The following DYNC1I1 variants were observed in gnomAD, a reference collection of about 807,000 sequenced individuals.
DYNC1I1 encodes the protein cytoplasmic dynein 1 intermediate chain 1.
A neutral mutation model predicts 86.6 loss-of-function variants in DYNC1I1; 43 were observed. The observed-to-expected ratio is 0.50, with a 90% confidence interval of 0.39 to 0.64. DYNC1I1 has a LOEUF of 0.64. Among genes scored for constraint, DYNC1I1 ranks in the 30% least tolerant of loss-of-function variants. DYNC1I1 has a pLI of 0.00. For missense variants in DYNC1I1, 604 were observed against 788.8 expected (o/e 0.77, Z 2.81); for synonymous variants, 262 against 283.7 (o/e 0.92, Z 0.77).
intron 4 of DYNC1I1, chr7:95,818,749 C>A: frequency 2.4e-6 from 1 of 417,348 alleles, no homozygotes; most frequent in South Asian, 8.7e-5. Flanking sequence ...TTTCCACCAC[C>A]AGAGTAGCAC....
At chr7:95,811,210 C>A (rs1338400649) in intron 3 of DYNC1I1, among the ~76,000 whole-genome samples, 1 of 151,978 alleles carries the variant, frequency 6.6e-6, no homozygotes, top group Non-Finnish European at 1.5e-5. Flanking sequence ...CTGTCACTTA[C>A]CTATGTATCT....
At chr7:96,006,104 T>G (rs923065423) in intron 10 of DYNC1I1, among the ~76,000 whole-genome samples, 5 of 152,230 alleles carry the variant, frequency 3.3e-5, no homozygotes, top group African/African-American at 1.2e-4. Context: ...GATTTCATTT[T>G]GTTTTAAACA....
At chr7:95,796,590 G>T (rs1396909907) in intron 1 of DYNC1I1, among the ~76,000 whole-genome samples, 2 of 151,962 alleles carry the variant, frequency 1.3e-5, no homozygotes, top group Admixed American at 1.3e-4. Context: ...TGGAATTTTT[G>T]ACTCTAACTT....
At chr7:96,024,408 T>G (rs1794627609) in intron 10 of DYNC1I1, among the ~76,000 whole-genome samples, 1 of 152,168 alleles carries the variant, frequency 6.6e-6, no homozygotes, top group South Asian at 2.1e-4. Flanking sequence ...GATTTGAATT[T>G]TTAAAGGCCA....
chr7:95,915,846 T>A (rs1468614248), intron 6 of DYNC1I1, among the ~76,000 whole-genome samples: 3 of 152,212 alleles, frequency 2.0e-5, no homozygotes, highest in African/African-American at 7.2e-5. Context: ...CTGTTTAAGT[T>A]GGGATGTGCC....
chr7:95,792,879 G>T (rs1794339885), intron 1 of DYNC1I1, among the ~76,000 whole-genome samples: 1 of 149,726 alleles, frequency 6.7e-6, no homozygotes, highest in Admixed American at 6.6e-5. Flanking sequence ...AATTTGCAAA[G>T]GTACAAAGGC....
chr7:96,028,588 G>T (rs1794737525), intron 11 of DYNC1I1, among the ~76,000 whole-genome samples: 1 of 152,188 alleles, frequency 6.6e-6, no homozygotes, highest in Non-Finnish European at 1.5e-5. Context: ...AGAAACCTTG[G>T]AAGAGGCATC....
At chr7:95,830,815 TC>T (rs985881597) in intron 5 of DYNC1I1, among the ~76,000 whole-genome samples, 8 of 152,288 alleles carry the variant, frequency 5.3e-5, no homozygotes, top group African/African-American at 1.9e-4. Flanking sequence ...CATTATGCAT[TC>T]CCACGAGCAG....
chr7:95,947,840 C>T (rs35428654), intron 6 of DYNC1I1, among the ~76,000 whole-genome samples: 16,046 of 152,092 alleles, frequency 0.11, 2,008 homozygotes, highest in African/African-American at 0.3. Flanking sequence ...TCAAGCATCA[C>T]GGTTATGTGG....
intron 14 of DYNC1I1, among the ~76,000 whole-genome samples, chr7:96,039,813 T>G (rs1431575068): frequency 4.6e-5 from 7 of 152,118 alleles, no homozygotes. Context: ...TACTTACATA[T>G]GTACCTATGG....
chr7:95,820,963 G>A (rs145963266), intron 4 of DYNC1I1, among the ~76,000 whole-genome samples: 1 of 152,326 alleles, frequency 6.6e-6, no homozygotes, highest in Non-Finnish European at 1.5e-5. Flanking sequence ...GCCATGTAGT[G>A]ACATCACGCT....
intron 5 of DYNC1I1, among the ~76,000 whole-genome samples, chr7:95,846,666 T>TGTGTGA (rs1400288683): frequency 7.3e-5 from 11 of 150,652 alleles, no homozygotes; most frequent in African/African-American, 9.8e-5. Flanking sequence ...TGTGTGTGTG[T>TGTGTGA]GACGAAGGGG....
chr7:96,088,359 G>A (rs1386086101), intron 16 of DYNC1I1, among the ~76,000 whole-genome samples: 5 of 151,996 alleles, frequency 3.3e-5, no homozygotes, highest in Non-Finnish European at 5.9e-5. Context: ...TCTCATTTTG[G>A]TGATAAATGA....
intron 1 of DYNC1I1, among the ~76,000 whole-genome samples, chr7:95,791,498 A>G (rs1443484729): frequency 6.6e-6 from 1 of 152,232 alleles, no homozygotes; most frequent in Non-Finnish European, 1.5e-5. Context: ...AGACATGTTC[A>G]TTTATCATCT....
chr7:96,037,219 A>G (rs1280357353), intron 13 of DYNC1I1, among the ~76,000 whole-genome samples: 2 of 152,234 alleles, frequency 1.3e-5, no homozygotes, highest in Middle Eastern at 6.3e-3. Flanking sequence ...CTCACAGTCC[A>G]TTCCCAATGA....
chr7:96,105,942 G>A (rs1202184558), intron 16 of DYNC1I1, among the ~76,000 whole-genome samples: 2 of 152,086 alleles, frequency 1.3e-5, no homozygotes, highest in Non-Finnish European at 2.9e-5. Context: ...ATATAAAGTT[G>A]TTCATACTAT....
At chr7:96,017,942 T>C (rs765286944) in intron 10 of DYNC1I1, among the ~76,000 whole-genome samples, 1 of 152,122 alleles carries the variant, frequency 6.6e-6, no homozygotes, top group Non-Finnish European at 1.5e-5. Flanking sequence ...CTTGAAATGA[T>C]TAATTGGTCT....
intron 6 of DYNC1I1, among the ~76,000 whole-genome samples, chr7:95,911,830 T>G (rs1791343699): frequency 6.6e-6 from 1 of 152,098 alleles, no homozygotes; most frequent in South Asian, 2.1e-4. Flanking sequence ...AAGGGGGCTA[T>G]CCTACCAATA....
intron 1 of DYNC1I1, among the ~76,000 whole-genome samples, chr7:95,785,775 G>GTGTATATA (rs1317168531): frequency 8.0e-6 from 1 of 124,906 alleles, no homozygotes; most frequent in Admixed American, 8.5e-5. Context: ...GTGTGTATGT[G>GTGTATATA]TATATATATA....
Sources: gnomAD v4.1 joint callset for allele counts (sites outside exome capture counted in the v4.1 genomes callset) on GRCh38, gnomAD v4.1.1 for gene constraint, MANE v1.5 for transcripts, NCBI Gene and HGNC (gene_info 2026-07-23, HGNC 2026-07-21) for gene names.